The following B2M variants were observed in gnomAD, a reference collection of about 807,000 sequenced individuals.
B2M encodes the protein beta chain of MHC class I molecules.
In B2M, 3 loss-of-function variants were observed where a neutral mutation model predicts 14.5. The ratio of observed to expected loss-of-function variants is 0.21; its 90% CI spans 0.09 to 0.53. The LOEUF is 0.53. Among genes scored for constraint, B2M ranks in the 20% least tolerant of loss-of-function variants. The pLI is 0.95. For missense variants in B2M, 107 were observed against 140.8 expected, an observed-to-expected ratio of 0.76 and a Z score of 1.21; for synonymous variants, 45 against 52.7, an observed-to-expected ratio of 0.85 and a Z score of 0.64.
intron 1 of B2M, chr15:44,711,831 C>A: frequency 5.8e-6 from 4 of 688,430 alleles, no homozygotes; most frequent in Non-Finnish European, 1.0e-5. Flanking sequence ...TTGCCCCTTT[C>A]GGCGGGGAGC....
chr15:44,715,896 C>T (rs1319013640), intron 2 of B2M, 195 bp downstream of exon 2: 3 of 730,524 alleles, frequency 4.1e-6, no homozygotes, highest in African/African-American at 1.7e-5. Context: ...TGCTGAGATA[C>T]TGATGCACAG....
At chr15:44,715,398 T>C (rs1253559041) in intron 1 of B2M, 25 bp from the exon 2 acceptor site, 2 of 1,609,172 alleles carry the variant, frequency 1.2e-6, no homozygotes, top group Admixed American at 1.7e-5. Context: ...GCAATATTAA[T>C]GTGTCTTTTC....
At chr15:44,713,351 A>G (rs2086908851) in intron 1 of B2M, 3 of 152,248 alleles carry the variant, frequency 2.0e-5, no homozygotes, top group African/African-American at 7.2e-5. Flanking sequence ...TATTTAAAAA[A>G]AAATCTTATT....
chr15:44,715,132 A>G (rs2086926934), intron 1 of B2M: 2 of 489,862 alleles, frequency 4.1e-6, no homozygotes, highest in Non-Finnish European at 7.4e-6. Context: ...GCTCTTAAAA[A>G]TGCAGCGCAA....
At chr15:44,714,470 G>T (rs1343735521) in intron 1 of B2M, 1 of 152,210 alleles carries the variant, frequency 6.6e-6, no homozygotes, top group Non-Finnish European at 1.5e-5. Flanking sequence ...CATACCTTGG[G>T]TTGGTTGGGC....
Position 44,711,633 on chromosome 15 carries a change from C to T in B2M, c.67+20C>T. 6.2e-7 allele frequency: 1 copy of T among 1,606,954 alleles called. No individual in the cohort carries two copies. Among genetic ancestry groups the T allele is most frequent in the Middle Eastern group, 1.7e-4 (1 of 6,054 alleles). On this transcript the variant is annotated intron_variant, in intron 1 of 3. Transcript: ENST00000648006. ...TCCAGCGTGAGTCTCTCCTACCCTC[C>T]CGCTCTGGTCCTTCCTCTCCCGCTC...
chr15:44,716,586 G>T, intron 3 of B2M: 1 of 578,232 alleles, frequency 1.7e-6, no homozygotes, highest in South Asian at 2.2e-5. Flanking sequence ...GAGGGCAAAG[G>T]AACTGCCAGT....
At chr15:44,711,644 C>G (rs761376611) in intron 1 of B2M, 31 bp downstream of exon 1, 27 of 1,597,340 alleles carry the variant, frequency 1.7e-5, no homozygotes, top group Non-Finnish European at 2.1e-5. Context: ...CGCTCTGGTC[C>G]TTCCTCTCCC....
In B2M at chr15:44,712,550, A is replaced by AT. The variant is rs369960697; in HGVS notation, c.67+946dup. On this transcript the variant is annotated intron_variant, in intron 1 of 3. Transcript: ENST00000648006. ...CATGCCTTTTGGCTGTAATTCGTGCATTTTTTTTTAAGAAAAACGCCTGCC... is the reference window on the plus strand; with the variant it reads ...CATGCCTTTTGGCTGTAATTCGTGCATTTTTTTTTTAAGAAAAACGCCTGCC... Among the ~76,000 whole-genome samples the AT allele has an allele frequency of 4.9e-3, 748 of 151,742 alleles. 8 individuals carry two copies. The highest frequency in any genetic ancestry group is 0.017 in the African/African-American group (693 of 41,372).
At chr15:44,715,346 G>C (rs1185819801) in intron 1 of B2M, 77 bp from the exon 2 acceptor site, 1 of 1,489,330 alleles carries the variant, frequency 6.7e-7, no homozygotes, top group Non-Finnish European at 9.3e-7. Context: ...CTTGGTGCCT[G>C]ATATAGCTTG....
intron 3 of B2M, 140 bp from the exon 4 acceptor site, chr15:44,717,465 CTT>C (rs1177098064): frequency 6.6e-6 from 1 of 151,988 alleles, no homozygotes; most frequent in African/African-American, 2.4e-5. Context: ...AGGATATACT[CTT>C]TATAATGGGT....
At chr15:44,712,096 C>T (rs2086880049) in intron 1 of B2M, 1 of 316,192 alleles carries the variant, frequency 3.2e-6, no homozygotes. Flanking sequence ...TGCGGCTCTG[C>T]TTCCCTTAGA....
intron 3 of B2M, 76 bp downstream of exon 3, chr15:44,716,432 A>G: frequency 7.2e-7 from 1 of 1,395,756 alleles, no homozygotes; most frequent in South Asian, 1.2e-5. Flanking sequence ...TAACATGATA[A>G]CCCTCACTAT....
rs2086963029 is a variant in B2M, at chr15:44,718,020, TAATG to T, written c.*435_*438del. 6.6e-6 allele frequency: 1 copy of T among 152,260 alleles called. No homozygotes were observed. 9.4% of individuals were successfully genotyped at this position (152,260 alleles called of 1,614,324 possible). A position where few individuals can be genotyped will look rare whatever the true frequency, so the allele number is the denominator to read the frequency against. On this transcript the variant is annotated 3_prime_UTR_variant, in exon 4 of 4. Transcript: ENST00000648006. ...TGACAGGATTATTGGAAATTTGTTA[TAATG>T]AATGAAACATTTTGTCATATAAGAT...
rs774625723 is a variant in B2M, at chr15:44,715,543, G to A, written c.188G>A (p.Gly63Glu). 1.9e-6 allele frequency: 3 copies of A among 1,614,186 alleles called. No homozygotes were observed. Among genetic ancestry groups the A allele is most frequent in the South Asian group, 2.2e-5 (2 of 91,076 alleles). ...SDIEVDLLKN[G>E]ERIEKVEHSD... ...ATTGAAGTTGACTTACTGAAGAATG[G>A]AGAGAGAATTGAAAAAGTGGAGCAT... Residue 63 changes from glycine (G) to glutamate (E), a missense_variant, in exon 2 of 4, where the codon GGA becomes GAA. Coordinates refer to ENST00000648006, the MANE Select transcript of B2M (RefSeq NM_004048.4).
intron 1 of B2M, chr15:44,712,112 G>A (rs2086880330): frequency 3.5e-6 from 1 of 288,720 alleles, no homozygotes; most frequent in Admixed American, 4.6e-5. Flanking sequence ...TTAGACTGGA[G>A]AGCTGTGGAC....
rs1056506779 is a variant in B2M, at chr15:44,715,884, C to T, written c.346+183C>T. 5.1e-5 allele frequency: 40 copies of T among 789,004 alleles called. No homozygotes were observed. The Admixed American group carries it at 8.1e-4, about 16-fold the overall frequency. 48.9% of individuals were successfully genotyped at this position (789,004 alleles called of 1,614,324 possible). On this transcript the variant is annotated intron_variant, in intron 2 of 3. Transcript: ENST00000648006. Reference sequence around the variant, plus strand: ...GTTCTTAAAGATCAGATTAGTGGCACCTGCTGAGATACTGATGCACAGCAT... The same window carrying T: ...GTTCTTAAAGATCAGATTAGTGGCATCTGCTGAGATACTGATGCACAGCAT...
chr15:44,715,416 T>G lies in B2M; in HGVS notation c.68-7T>G. 1 of 1,613,120 alleles carries G rather than the reference T, an allele frequency of 6.2e-7. No homozygotes were observed. The highest frequency in any genetic ancestry group is 8.5e-7 in the Non-Finnish European group (1 of 1,179,836). ...ATATTAATGTGTCTTTTCCCGATAT[T>G]CCTCAGGTACTCCAAAGATTCAGGT... On this transcript the variant is annotated splice_polypyrimidine_tract_variant and splice_region_variant and intron_variant, in intron 1 of 3. Transcript: ENST00000648006.
Position 44,717,754 on chromosome 15 carries a change from C to G in B2M, c.*162C>G, listed in dbSNP as rs1363260509. 1 of 152,156 alleles carries G rather than the reference C, an allele frequency of 6.6e-6. No homozygotes were observed. Among genetic ancestry groups the G allele is most frequent in the Non-Finnish European group, 1.5e-5 (1 of 68,046 alleles). 9.4% of individuals were successfully genotyped at this position (152,156 alleles called of 1,614,324 possible). On this transcript the variant is annotated 3_prime_UTR_variant, in exon 4 of 4. Transcript: ENST00000648006. The stretch of plus-strand genomic sequence containing the variant: ...GGACATGATCTTCTTTATAATTCTA[C>G]TTTGAGTGCTGTCTCCATGTTTGAT...
Sources: gnomAD v4.1 joint callset for allele counts (sites outside exome capture counted in the v4.1 genomes callset) on GRCh38, gnomAD v4.1.1 for gene constraint, MANE v1.5 for transcripts, NCBI Gene and HGNC (gene_info 2026-07-23, HGNC 2026-07-21) for gene names.